TMEM132D: variants seen among roughly 807,000 people sequenced by gnomAD.
The protein encoded by TMEM132D is mature OL transmembrane protein.
Under a neutral mutation model 62.3 loss-of-function variants are expected in TMEM132D, and 21 were observed. The ratio of observed to expected loss-of-function variants is 0.34; its 90% CI spans 0.24 to 0.49. The LOEUF is 0.49. Among genes scored for constraint, TMEM132D ranks in the 20% least tolerant of loss-of-function variants. The pLI is 0.99. For synonymous variants in TMEM132D, 621 were observed against 575.6 expected (o/e 1.08, Z -1.13); for missense variants, 1,346 against 1,402.8 (o/e 0.96, Z 0.65).
At chr12:129,307,437 G>T (rs1040791029) in intron 4 of TMEM132D, among the ~76,000 whole-genome samples, 1 of 152,062 alleles carries the variant, frequency 6.6e-6, no homozygotes, top group Non-Finnish European at 1.5e-5. Flanking sequence ...TTCTTTTCAG[G>T]CAGTGAACAT....
chr12:129,228,152 G>A (rs1191517971), intron 4 of TMEM132D, among the ~76,000 whole-genome samples: 1 of 147,736 alleles, frequency 6.8e-6, no homozygotes, highest in African/African-American at 2.5e-5. Context: ...TTGGAGAACT[G>A]CCATTGACCT....
At chr12:129,825,298 C>T (rs905621803) in intron 1 of TMEM132D, among the ~76,000 whole-genome samples, 4 of 152,142 alleles carry the variant, frequency 2.6e-5, no homozygotes, top group South Asian at 4.2e-4. Flanking sequence ...GGATTACAGG[C>T]GTGAGCCACT....
chr12:129,366,745 T>A (rs1870427495), intron 3 of TMEM132D, among the ~76,000 whole-genome samples: 1 of 152,118 alleles, frequency 6.6e-6, no homozygotes, highest in Admixed American at 6.5e-5. Flanking sequence ...AGGGCCAGCA[T>A]GGCTTTGAAT....
At chr12:129,177,507 C>T (rs1419324889) in intron 5 of TMEM132D, among the ~76,000 whole-genome samples, 2 of 152,138 alleles carry the variant, frequency 1.3e-5, no homozygotes, top group Admixed American at 1.3e-4. Context: ...CCTATATTCT[C>T]AAAACTTTGG....
chr12:129,074,719 T>G lies in TMEM132D; in HGVS notation c.2456A>C (p.Glu819Ala). The G allele has an allele frequency of 6.2e-7, 1 of 1,614,188 alleles. No homozygotes were observed. Among genetic ancestry groups the G allele is most frequent in the Non-Finnish European group, 8.5e-7 (1 of 1,180,040 alleles). ...GGGCCTTCTGTCACTGACATTGTTT[T>G]CCATGTGAACCCCTGCCCCTGTGTG... ...SRHTGAGVHMENNVSDRRPKK... is the reference protein window; with the variant it reads ...SRHTGAGVHMANNVSDRRPKK... The change falls in exon 9 of 9, where the codon GAA (glutamate) becomes GCA (alanine). Residue 819 changes from glutamate (E) to alanine (A), a missense_variant. By Grantham distance (107) the Glu-to-Ala change is moderately radical (BLOSUM62 -1). Coordinates refer to ENST00000422113, the MANE Select transcript of TMEM132D (RefSeq NM_133448.3).
intron 5 of TMEM132D, among the ~76,000 whole-genome samples, chr12:129,100,207 A>AT (rs1435459173): frequency 1.3e-5 from 2 of 151,948 alleles, no homozygotes; most frequent in Non-Finnish European, 2.9e-5. Flanking sequence ...CCCCTGGCTA[A>AT]TTTTTTGTAT....
At chr12:129,808,327 A>C (rs750983717) in intron 1 of TMEM132D, among the ~76,000 whole-genome samples, 4 of 152,190 alleles carry the variant, frequency 2.6e-5, no homozygotes, top group Non-Finnish European at 5.9e-5. Flanking sequence ...ACATTGTCAT[A>C]ACTCACATAT....
At chr12:129,572,011 G>A (rs930382064) in intron 2 of TMEM132D, among the ~76,000 whole-genome samples, 2 of 152,106 alleles carry the variant, frequency 1.3e-5, no homozygotes, top group Non-Finnish European at 2.9e-5. Context: ...GCATGCTAAC[G>A]GGCTATCAAG....
At chr12:129,195,253 A>G (rs1052035943) in intron 5 of TMEM132D, among the ~76,000 whole-genome samples, 1 of 151,990 alleles carries the variant, frequency 6.6e-6, no homozygotes, top group Non-Finnish European at 1.5e-5. Context: ...CCAGGCAGGC[A>G]CAGGCCTGGG....
At chr12:129,281,280 T>C (rs1881138471) in intron 4 of TMEM132D, among the ~76,000 whole-genome samples, 1 of 152,184 alleles carries the variant, frequency 6.6e-6, no homozygotes, top group African/African-American at 2.4e-5. Context: ...ACTTCAGATT[T>C]ATAGTCTTAA....
chr12:129,253,048 G>T (rs1297400793), intron 4 of TMEM132D, among the ~76,000 whole-genome samples: 1 of 117,378 alleles, frequency 8.5e-6, no homozygotes. Context: ...GTTGTGGGGT[G>T]GGGGGAGGGG....
intron 4 of TMEM132D, among the ~76,000 whole-genome samples, chr12:129,326,962 G>A (rs568083012): frequency 4.6e-4 from 70 of 152,268 alleles, no homozygotes; most frequent in Non-Finnish European, 8.2e-4. Context: ...AGATACTTGC[G>A]CCTCTATGCA....
chr12:129,125,455 A>G (rs1876183635), intron 5 of TMEM132D, among the ~76,000 whole-genome samples: 1 of 151,948 alleles, frequency 6.6e-6, no homozygotes, highest in East Asian at 1.9e-4. Flanking sequence ...TGTACAATAC[A>G]ATAAAAATAT....
intron 4 of TMEM132D, among the ~76,000 whole-genome samples, chr12:129,217,506 C>T (rs73418297): frequency 2.0e-5 from 3 of 152,182 alleles, no homozygotes; most frequent in Admixed American, 2.0e-4. Flanking sequence ...GAACCTCCAG[C>T]CTTCCCTGCC....
intron 1 of TMEM132D, among the ~76,000 whole-genome samples, chr12:129,723,621 C>T (rs990338355): frequency 6.6e-6 from 1 of 152,230 alleles, no homozygotes; most frequent in Non-Finnish European, 1.5e-5. Context: ...TCACTGGGGT[C>T]TGTGATGCAG....
chr12:129,135,784 C>A (rs1476997105), intron 5 of TMEM132D, among the ~76,000 whole-genome samples: 1 of 152,070 alleles, frequency 6.6e-6, no homozygotes, highest in Non-Finnish European at 1.5e-5. Flanking sequence ...GGTTTGCTGG[C>A]AATCTTTGGT....
At chr12:129,552,612 C>A (rs763235129) in intron 2 of TMEM132D, among the ~76,000 whole-genome samples, 33 of 147,398 alleles carry the variant, frequency 2.2e-4, no homozygotes, top group Non-Finnish European at 3.4e-4. Flanking sequence ...TATTATTTAT[C>A]ATCTATTATT....
chr12:129,261,413 C>T (rs183795429), intron 4 of TMEM132D, among the ~76,000 whole-genome samples: 1 of 152,300 alleles, frequency 6.6e-6, no homozygotes, highest in East Asian at 1.9e-4. Context: ...TGCACATGCT[C>T]TCTTGCCTGC....
chr12:129,353,690 T>C (rs944672678), intron 3 of TMEM132D, among the ~76,000 whole-genome samples: 1 of 152,210 alleles, frequency 6.6e-6, no homozygotes, highest in East Asian at 1.9e-4. Context: ...GACCTGCCTG[T>C]AGTTTAGTTT....
Sources: gnomAD v4.1 joint callset for allele counts (sites outside exome capture counted in the v4.1 genomes callset) on GRCh38, gnomAD v4.1.1 for gene constraint, MANE v1.5 for transcripts, NCBI Gene and HGNC (gene_info 2026-07-23, HGNC 2026-07-21) for gene names.